Variants in TRAPPC8 observed in about 807,000 individuals in gnomAD.
TRAPPC8 encodes the protein trafficking protein particle complex subunit 8.
A neutral mutation model predicts 174.3 loss-of-function variants in TRAPPC8; 54 were observed. That is an observed-to-expected ratio of 0.31 (90% CI 0.25 to 0.39). The LOEUF (loss-of-function observed/expected upper bound fraction) is 0.39. TRAPPC8 is among the 10% of genes least tolerant of loss of function. The pLI, the probability that TRAPPC8 is intolerant of heterozygous loss-of-function variation, is 1.00. For synonymous variants in TRAPPC8, 630 were observed against 579.9 expected, an observed-to-expected ratio of 1.09 and a Z score of -1.24; for missense variants, 1,531 against 1,699.1, an observed-to-expected ratio of 0.90 and a Z score of 1.74.
intron 14 of TRAPPC8, 39 bp from the exon 15 acceptor site, chr18:31,871,159 G>T (rs754462283): frequency 1.4e-5 from 18 of 1,246,580 alleles, no homozygotes; most frequent in Non-Finnish European, 1.9e-5. Context: ...ATGAAGACTT[G>T]CCCTCAAATA....
chr18:31,850,465 T>C (rs2033650826), intron 24 of TRAPPC8, among the ~76,000 whole-genome samples: 2 of 152,224 alleles, frequency 1.3e-5, no homozygotes, highest in Non-Finnish European at 2.9e-5. Flanking sequence ...AATAGAATTA[T>C]TAGCATTAAC....
In TRAPPC8 at chr18:31,909,709, T is replaced by A. The variant is rs753255180; in HGVS notation, c.823A>T (p.Asn275Tyr). The change falls in exon 6 of 29, where the codon AAT (asparagine) becomes TAT (tyrosine). Residue 275 changes from asparagine to tyrosine, a missense_variant. Coordinates refer to ENST00000283351, the MANE Select transcript of TRAPPC8 (RefSeq NM_014939.5). ...CTITSNKNSD[N>Y]NLLSLDGLDN... ...AATCCATCCAATGAAAGCAAGTTAT[T>A]ATCAGAATTCTTATTTGAAGTTATA... 21 of 1,601,224 alleles carry A rather than the reference T, an allele frequency of 1.3e-5. No individual in the cohort carries two copies. In the South Asian group the frequency reaches 2.4e-4, roughly 18 times the overall value.
intron 12 of TRAPPC8, among the ~76,000 whole-genome samples, chr18:31,877,070 GGCTGCCCCT>G (rs1173152565): frequency 6.6e-6 from 1 of 152,170 alleles, no homozygotes; most frequent in Non-Finnish European, 1.5e-5. Flanking sequence ...CGTTAATTTA[GGCTGCCCCT>G]AGGGGAAGGG....
At chr18:31,942,232 G>A (rs979155438) in intron 1 of TRAPPC8, among the ~76,000 whole-genome samples, 17 of 152,202 alleles carry the variant, frequency 1.1e-4, no homozygotes, top group African/African-American at 4.1e-4. Flanking sequence ...CTCAGACCCT[G>A]TCGGTCTAAG....
chr18:31,907,685 C>T (rs1443216354), intron 8 of TRAPPC8, 75 bp from the exon 9 acceptor site: 1 of 1,235,000 alleles, frequency 8.1e-7, no homozygotes, highest in East Asian at 2.7e-5. Flanking sequence ...CATTAACAAG[C>T]TGCCATGTTC....
At chr18:31,927,099 T>A (rs994201681) in intron 2 of TRAPPC8, among the ~76,000 whole-genome samples, 6 of 152,136 alleles carry the variant, frequency 3.9e-5, no homozygotes, top group African/African-American at 1.4e-4. Flanking sequence ...TGTACACATA[T>A]CATTTTGATA....
At chr18:31,840,734 A>C (rs2033046124) in intron 26 of TRAPPC8, among the ~76,000 whole-genome samples, 1 of 152,222 alleles carries the variant, frequency 6.6e-6, no homozygotes, top group Admixed American at 6.5e-5. Context: ...AGCAAAACCT[A>C]AAATACTTCC....
rs553104361 is a variant in TRAPPC8 at position 31,897,849 on chromosome 18, T to C, written c.1533A>G (p.Glu511=). 113 of 1,611,628 alleles carry C rather than the reference T, an allele frequency of 7.0e-5. No homozygotes were observed. The South Asian group carries it at 1.1e-3, about 16-fold the overall frequency. The change falls in exon 11 of 29, where the codon GAA becomes GAG. Residue 511 remains glutamate, a synonymous_variant. Coordinates refer to ENST00000283351, the MANE Select transcript of TRAPPC8 (RefSeq NM_014939.5). The part of the protein sequence containing the change: ...LAERCVLLSA[E]LLKSQSKYSE... ...AATATTTGCTTTGGCTTTTTAAAAG[T>C]TCAGCACTAAGCAACACACATCTTT...
chr18:31,929,338 G>A lies in TRAPPC8; in HGVS notation c.352+1991C>T, dbSNP rs141212848. 7.1e-3 allele frequency among the ~76,000 whole-genome samples: 1,083 copies of A among 152,178 alleles called. 14 individuals carry two copies. The highest frequency in any genetic ancestry group is 0.025 in the African/African-American group (1,036 of 41,520). ...AGAGGCCAGGGTGAGAGGATCACTTGAACATAGTGAGACCCTGTCTCTACA... is the reference window on the plus strand; with the variant it reads ...AGAGGCCAGGGTGAGAGGATCACTTAAACATAGTGAGACCCTGTCTCTACA... On this transcript the variant is annotated intron_variant, in intron 2 of 28. Transcript: ENST00000283351.
chr18:31,867,382 A>G lies in TRAPPC8; in HGVS notation c.2463+20T>C. 6.5e-7 allele frequency: 1 copy of G among 1,534,078 alleles called. No individual in the cohort carries two copies. On this transcript the variant is annotated intron_variant, in intron 17 of 28. Transcript: ENST00000283351. Reference sequence around the variant, plus strand: ...TTACTTTCAGAAAGGCATAAAGCAGAGAAATGATAAAATAATTACCACTTT... The same window carrying G: ...TTACTTTCAGAAAGGCATAAAGCAGGGAAATGATAAAATAATTACCACTTT...
intron 19 of TRAPPC8, among the ~76,000 whole-genome samples, chr18:31,864,091 T>C (rs1274741212): frequency 2.7e-5 from 4 of 148,764 alleles, no homozygotes; most frequent in African/African-American, 9.8e-5. Context: ...TTCTATAAAA[T>C]ATTATAATAC....
Position 31,890,753 on chromosome 18 carries a change from T to A in TRAPPC8, c.1710A>T (p.Arg570=). The A allele has an allele frequency of 6.2e-7, 1 of 1,611,594 alleles. No individual in the cohort carries two copies. Residue 570 remains arginine, a synonymous_variant, in exon 12 of 29, where the codon CGA becomes CGT. Transcript: ENST00000283351. ...CACTCACCTGCCCTGCTTTACTAAA[T>A]CGATGGCCTGCCAATATCATATGAA... ...YAFHMILAGH[R]FSKAGQKKHA... is the part of the protein sequence containing the mutation.
In TRAPPC8 at chr18:31,943,092, G is replaced by T. The variant is rs1598779719; in HGVS notation, c.-328C>A. 1 of 418,900 alleles carries T rather than the reference G, an allele frequency of 2.4e-6. No homozygotes were observed. Among genetic ancestry groups the T allele is most frequent in the African/African-American group, 2.0e-5 (1 of 49,050 alleles). 25.9% of individuals were successfully genotyped at this position (418,900 alleles called of 1,614,324 possible). A position where few individuals can be genotyped will look rare whatever the true frequency, so the allele number is the denominator to read the frequency against. On this transcript the variant is annotated 5_prime_UTR_variant, in exon 1 of 29. Transcript: ENST00000283351. Reference sequence around the variant, plus strand: ...GTCACTGCCCGGCCGGAACCGCCATGTTGAGGCCGAACCCTGACCAACCGG... The same window carrying T: ...GTCACTGCCCGGCCGGAACCGCCATTTTGAGGCCGAACCCTGACCAACCGG...
At chr18:31,941,467 C>CA (rs1032122678) in intron 1 of TRAPPC8, among the ~76,000 whole-genome samples, 3 of 151,774 alleles carry the variant, frequency 2.0e-5, no homozygotes, top group Non-Finnish European at 2.9e-5. Flanking sequence ...AAATAAATAA[C>CA]AAAAAAATAA....
rs76951365 is a variant in TRAPPC8 at position 31,838,490 on chromosome 18, G to A, written c.3983+822C>T. On this transcript the variant is annotated intron_variant, in intron 27 of 28. Transcript: ENST00000283351. ...TCAAGACCACAAACATGCCTATATCGTACCTAGTAAGAACAGATACTCCCT... is the reference window on the plus strand; with the variant it reads ...TCAAGACCACAAACATGCCTATATCATACCTAGTAAGAACAGATACTCCCT... Among the ~76,000 whole-genome samples, 210 of 152,044 alleles carry A rather than the reference G, an allele frequency of 1.4e-3. 1 individual carries two copies. Among genetic ancestry groups the A allele is most frequent in the African/African-American group, 4.7e-3 (195 of 41,458 alleles).
chr18:31,940,688 G>C (rs780496755), intron 1 of TRAPPC8, among the ~76,000 whole-genome samples: 9 of 151,898 alleles, frequency 5.9e-5, no homozygotes, highest in Admixed American at 2.0e-4. Context: ...TAGTAGAAAC[G>C]GGGTTTCACC....
chr18:31,937,288 T>C (rs2038148702), intron 1 of TRAPPC8, among the ~76,000 whole-genome samples: 1 of 152,210 alleles, frequency 6.6e-6, no homozygotes, highest in Admixed American at 6.5e-5. Context: ...CAAAGCACTT[T>C]GGGAATCCAA....
intron 12 of TRAPPC8, among the ~76,000 whole-genome samples, chr18:31,889,114 GTT>G (rs947102327): frequency 6.6e-6 from 1 of 152,112 alleles, no homozygotes; most frequent in African/African-American, 2.4e-5. Context: ...AAACTGTACT[GTT>G]TTGTGAAAGA....
intron 19 of TRAPPC8, among the ~76,000 whole-genome samples, chr18:31,860,353 T>C (rs2034263597): frequency 6.6e-6 from 1 of 151,982 alleles, no homozygotes; most frequent in South Asian, 2.1e-4. Flanking sequence ...AAATTATTCC[T>C]AACAGAAACA....
Sources: gnomAD v4.1 joint callset for allele counts (sites outside exome capture counted in the v4.1 genomes callset) on GRCh38, gnomAD v4.1.1 for gene constraint, MANE v1.5 for transcripts, NCBI Gene and HGNC (gene_info 2026-07-23, HGNC 2026-07-21) for gene names.